SCNN1A: variants seen among roughly 807,000 people sequenced by gnomAD.
SCNN1A encodes the protein sodium channel epithelial 1 subunit alpha.
In SCNN1A, 65 loss-of-function variants were observed where a neutral mutation model predicts 68.6. The observed-to-expected ratio is 0.95, with a 90% confidence interval of 0.78 to 1.16. The LOEUF is 1.16. Among genes scored for constraint, SCNN1A ranks in the 50% most tolerant of loss-of-function variants. The pLI is 0.00. For synonymous variants in SCNN1A, 357 were observed against 353.3 expected, an observed-to-expected ratio of 1.01 and a Z score of -0.12; for missense variants, 880 against 865.9, an observed-to-expected ratio of 1.02 and a Z score of -0.20.
intron 2 of SCNN1A, among the ~76,000 whole-genome samples, chr12:6,373,620 G>A (rs2286600): frequency 0.41 from 62,080 of 152,000 alleles, 15,743 homozygotes; most frequent in Middle Eastern, 0.63. Context: ...CACCTGCTCC[G>A]GTTTCCAGAC....
chr12:6,354,758 T>G lies in SCNN1A; in HGVS notation c.1234A>C (p.Thr412Pro). Residue 412 changes from threonine to proline, a missense_variant, in exon 7 of 13, where the codon ACA (threonine) becomes CCA (proline). Physicochemically the swap from Thr to Pro is conservative, Grantham distance 38 (BLOSUM62 -1). Around this residue, in one of 3 missense-constraint regions of SCNN1A, gnomAD observed 758 missense variants for 721.8 expected, o/e 1.05. Transcript: ENST00000228916. ...ATCAGGTTGGGCCTCACCTGCTGTGTGTACTTTGAAGGGTAAAGGTTCTCA... is the reference window on the plus strand; with the variant it reads ...ATCAGGTTGGGCCTCACCTGCTGTGGGTACTTTGAAGGGTAAAGGTTCTCA... ...PVENLYPSKY[T>P]QQVCIHSCFQ... is the part of the protein sequence containing the mutation. 1 of 1,613,626 alleles carries G rather than the reference T, an allele frequency of 6.2e-7. No individual in the cohort carries two copies. The highest frequency in any genetic ancestry group is 8.5e-7 in the Non-Finnish European group (1 of 1,179,644).
chr12:6,360,787 C>CG (rs559148240), intron 4 of SCNN1A, among the ~76,000 whole-genome samples: 9 of 152,264 alleles, frequency 5.9e-5, no homozygotes, highest in Admixed American at 1.3e-4. Context: ...GGGGACCCCC[C>CG]CCTCGCCTCA....
intron 8 of SCNN1A, among the ~76,000 whole-genome samples, chr12:6,353,156 T>A (rs957340493): frequency 6.6e-6 from 1 of 152,234 alleles, no homozygotes; most frequent in Non-Finnish European, 1.5e-5. Context: ...GGAAAGAGAT[T>A]TGTCTAGTCC....
intron 12 of SCNN1A, 27 bp downstream of exon 12, chr12:6,348,700 C>T (rs377320018): frequency 5.7e-5 from 91 of 1,596,680 alleles, no homozygotes; most frequent in Non-Finnish European, 7.6e-5. Flanking sequence ...CCCAGAGCAT[C>T]ACAGGCTCCA....
At position 6,351,962 on chromosome 12, in the gene SCNN1A, G is replaced by A. The variant is rs563348785; in HGVS notation, c.1360+2476C>T. Among the ~76,000 whole-genome samples, 39 of 152,190 alleles carry A rather than the reference G, an allele frequency of 2.6e-4. No homozygotes were observed. Among genetic ancestry groups the A allele is most frequent in the African/African-American group, 8.2e-4 (34 of 41,542 alleles). ...GACAGGGTTTCGCCACGTTGCCCAG[G>A]CTGGTGTCGAAATCCTGGGCTCAAG... is the stretch of plus-strand genomic sequence containing the variant. On this transcript the variant is annotated intron_variant, in intron 8 of 12. Transcript: ENST00000228916. This position sits in a 1 kb window ranked among gnomAD's most constrained non-coding sequence, Gnocchi z 4.2.
At chr12:6,371,546 AGGGTGGACGGTGG>A (rs1451158536) in intron 2 of SCNN1A, among the ~76,000 whole-genome samples, 3 of 32,142 alleles carry the variant, frequency 9.3e-5, no homozygotes, top group African/African-American at 3.8e-4. Flanking sequence ...GGTGGGGGTG[AGGGTGGACGGTGG>A]GGGTGGGGGT....
chr12:6,364,054 T>TGAG (rs926574422), intron 2 of SCNN1A: 10 of 199,192 alleles, frequency 5.0e-5, no homozygotes, highest in African/African-American at 2.3e-4. Flanking sequence ...AGGGGAAGGG[T>TGAG]GAGGGCCTCG....
chr12:6,362,827 G>A (rs1049008564), intron 3 of SCNN1A, among the ~76,000 whole-genome samples: 1 of 144,566 alleles, frequency 6.9e-6, no homozygotes, highest in African/African-American at 2.6e-5. Context: ...CTACAGGCTT[G>A]TGCCACCACA....
intron 4 of SCNN1A, among the ~76,000 whole-genome samples, chr12:6,361,400 T>C (rs1948576936): frequency 6.6e-6 from 1 of 152,158 alleles, no homozygotes; most frequent in Non-Finnish European, 1.5e-5. Flanking sequence ...GATGATCTCC[T>C]AGGCCCTTTT....
At chr12:6,357,184 G>T (rs2136871452) in intron 4 of SCNN1A, among the ~76,000 whole-genome samples, 1 of 152,310 alleles carries the variant, frequency 6.6e-6, no homozygotes, top group Admixed American at 6.5e-5. Flanking sequence ...ACAGAGAGGG[G>T]ACAAGTATAA....
chr12:6,363,780 G>A, intron 2 of SCNN1A, 70 bp from the exon 3 acceptor site: 2 of 1,431,928 alleles, frequency 1.4e-6, no homozygotes, highest in Non-Finnish European at 1.9e-6. Flanking sequence ...CCGGGGTCAG[G>A]GTCCTCATCT....
intron 8 of SCNN1A, among the ~76,000 whole-genome samples, chr12:6,352,581 A>C: frequency 6.6e-6 from 1 of 152,244 alleles, no homozygotes; most frequent in Admixed American, 6.5e-5. Context: ...GGGAGAAATC[A>C]CAGGTGGCAT....
At chr12:6,377,179 C>T (rs1453080014), upstream of SCNN1A, 38 of 1,311,194 alleles carry the variant, frequency 2.9e-5, no homozygotes, top group East Asian at 7.6e-5. Flanking sequence ...TCCTCTCTTG[C>T]GGCAGTCTCT....
At chr12:6,353,026 G>A (rs528203998) in intron 8 of SCNN1A, among the ~76,000 whole-genome samples, 226 of 152,338 alleles carry the variant, frequency 1.5e-3, no homozygotes, top group African/African-American at 4.6e-3. Context: ...TGCCAGGGAA[G>A]AGCATGAACT....
At chr12:6,365,482 A>G (rs1473901336) in intron 2 of SCNN1A, among the ~76,000 whole-genome samples, 1 of 152,240 alleles carries the variant, frequency 6.6e-6, no homozygotes, top group Non-Finnish European at 1.5e-5. Context: ...AATCAAAACA[A>G]TGCGGTTCTT....
chr12:6,363,023 G>A (rs1383752118), intron 3 of SCNN1A, among the ~76,000 whole-genome samples: 1 of 142,348 alleles, frequency 7.0e-6, no homozygotes, highest in Non-Finnish European at 1.5e-5. Context: ...TCTATCTTGG[G>A]CTGTTAGCCC....
chr12:6,350,799 T>C (rs1948373780), intron 8 of SCNN1A, among the ~76,000 whole-genome samples: 1 of 151,896 alleles, frequency 6.6e-6, no homozygotes, highest in Admixed American at 6.6e-5. Flanking sequence ...ATCGTGCCAC[T>C]GCACTCCAGC....
chr12:6,368,159 A>G (rs1358895650), intron 2 of SCNN1A, among the ~76,000 whole-genome samples: 2 of 152,266 alleles, frequency 1.3e-5, no homozygotes, highest in Non-Finnish European at 2.9e-5. Flanking sequence ...AAACAAATTA[A>G]ATTTAACTTG....
chr12:6,350,449 GAA>G (rs1281695184), intron 8 of SCNN1A, among the ~76,000 whole-genome samples: 3 of 145,958 alleles, frequency 2.1e-5, no homozygotes, highest in Non-Finnish European at 1.5e-5. Flanking sequence ...AAAAAAAAAA[GAA>G]AAGAAAAATG....
Sources: allele counts gnomAD v4.1 joint callset (sites outside exome capture counted in the v4.1 genomes callset), GRCh38; gene constraint gnomAD v4.1.1; regional missense constraint gnomAD v4.1.1; non-coding constraint Gnocchi (gnomAD v3.1); transcripts MANE v1.5; gene names NCBI Gene and HGNC (gene_info 2026-07-23, HGNC 2026-07-21).